ATP6V1E1: variants seen among roughly 807,000 people sequenced by gnomAD.
ATP6V1E1 encodes the protein ATPase H+ transporting V1 subunit E1.
A neutral mutation model predicts 35.2 loss-of-function variants in ATP6V1E1; 21 were observed. The ratio of observed to expected loss-of-function variants is 0.60; its 90% confidence interval spans 0.42 to 0.86. The LOEUF is 0.86. Among genes scored for constraint, ATP6V1E1 ranks in the 40% least tolerant of loss-of-function variants. The pLI, the probability that ATP6V1E1 is intolerant of heterozygous loss-of-function variation, is 0.00. For synonymous variants in ATP6V1E1, 83 were observed against 87.8 expected, an observed-to-expected ratio of 0.95 and a Z score of 0.30; for missense variants, 183 against 272.6, an observed-to-expected ratio of 0.67 and a Z score of 2.32.
intron 1 of ATP6V1E1, among the ~76,000 whole-genome samples, chr22:17,623,147 T>C (rs1401098718): frequency 6.6e-6 from 1 of 152,176 alleles, no homozygotes; most frequent in Non-Finnish European, 1.5e-5. Flanking sequence ...TTTCCAATCC[T>C]ACTTTTAAGG....
intron 1 of ATP6V1E1, among the ~76,000 whole-genome samples, chr22:17,620,433 C>A (rs938324328): frequency 2.0e-5 from 3 of 152,020 alleles, no homozygotes; most frequent in African/African-American, 7.2e-5. Context: ...AGACGTGAGC[C>A]ACCGCGCACG....
intron 1 of ATP6V1E1, among the ~76,000 whole-genome samples, chr22:17,626,325 A>AAAAAAAAAAAAAAAAAAAG (rs1555864859): frequency 4.9e-5 from 6 of 122,902 alleles, no homozygotes; most frequent in Non-Finnish European, 9.5e-5. Context: ...AAAAAAAAAA[A>AAAAAAAAAAAAAAAAAAAG]AAAGAAAGAA....
intron 2 of ATP6V1E1, among the ~76,000 whole-genome samples, chr22:17,615,657 T>C (rs1601389777): frequency 6.6e-6 from 1 of 150,808 alleles, no homozygotes; most frequent in East Asian, 2.0e-4. Context: ...CCCAGCACTT[T>C]GAAAGGCCAA....
intron 8 of ATP6V1E1, among the ~76,000 whole-genome samples, chr22:17,594,074 T>C (rs1601367261): frequency 3.3e-5 from 5 of 152,180 alleles, no homozygotes; most frequent in Middle Eastern, 3.4e-3. Context: ...TGGTGGCAGG[T>C]GCCTGTAATC....
intron 1 of ATP6V1E1, 64 bp from the exon 2 acceptor site, chr22:17,619,590 G>C: frequency 7.3e-7 from 1 of 1,374,542 alleles, no homozygotes; most frequent in East Asian, 2.5e-5. Context: ...CTGATTCATT[G>C]AACAAGTAAT....
chr22:17,621,947 C>T (rs566332875), intron 1 of ATP6V1E1, among the ~76,000 whole-genome samples: 2 of 152,262 alleles, frequency 1.3e-5, no homozygotes, highest in Admixed American at 1.3e-4. Context: ...TCACCGGCTA[C>T]AATTGGAGAA....
intron 1 of ATP6V1E1, among the ~76,000 whole-genome samples, chr22:17,624,366 C>T (rs2057893065): frequency 1.3e-5 from 2 of 152,060 alleles, no homozygotes; most frequent in South Asian, 4.1e-4. Context: ...CCAGCCTGGC[C>T]AACATGGTGA....
intron 1 of ATP6V1E1, 83 bp from the exon 2 acceptor site, chr22:17,619,609 G>T: frequency 1.6e-6 from 2 of 1,225,642 alleles, no homozygotes; most frequent in Non-Finnish European, 2.3e-6. Context: ...ATCATAGGTA[G>T]GTGCAGTGGC....
chr22:17,616,059 A>G (rs961761854), intron 2 of ATP6V1E1, among the ~76,000 whole-genome samples: 2 of 150,474 alleles, frequency 1.3e-5, no homozygotes, highest in Admixed American at 1.3e-4. Flanking sequence ...ACAAACAAAC[A>G]AACAAAAGCC....
At chr22:17,616,050 C>T (rs2057842660) in intron 2 of ATP6V1E1, among the ~76,000 whole-genome samples, 1 of 149,098 alleles carries the variant, frequency 6.7e-6, no homozygotes, top group Non-Finnish European at 1.5e-5. Context: ...AACAAACAAA[C>T]AAACAAACAA....
In ATP6V1E1 at chr22:17,596,371, C is replaced by T. The variant is rs550037723; in HGVS notation, c.531-1755G>A. 4.2e-4 allele frequency among the ~76,000 whole-genome samples: 64 copies of T among 152,214 alleles called. 1 individual carries two copies. The South Asian group carries it at 8.5e-3, about 20-fold the overall frequency. ...GTGGCGAGGGCCTGGATTCTAGCTC[C>T]GGCAGGACTCGACTGTGAGCAGAGG... On this transcript the variant is annotated intron_variant, in intron 7 of 8. Coordinates refer to ENST00000253413, the MANE Select transcript of ATP6V1E1 (RefSeq NM_001696.4).
intron 4 of ATP6V1E1, among the ~76,000 whole-genome samples, chr22:17,605,815 G>A (rs934732646): frequency 1.4e-5 from 2 of 146,580 alleles, no homozygotes; most frequent in Admixed American, 7.1e-5. Context: ...ACACCACCAC[G>A]CCTGGCTACA....
chr22:17,614,009 C>T (rs1016127443), intron 2 of ATP6V1E1, among the ~76,000 whole-genome samples: 3 of 151,420 alleles, frequency 2.0e-5, no homozygotes, highest in Non-Finnish European at 4.4e-5. Flanking sequence ...AAAATGTGGT[C>T]GAGTAACCTC....
intron 4 of ATP6V1E1, among the ~76,000 whole-genome samples, chr22:17,605,657 A>G (rs1349517219): frequency 6.7e-6 from 1 of 149,672 alleles, no homozygotes; most frequent in East Asian, 1.9e-4. Flanking sequence ...TAGGTGATCT[A>G]ATTTTTTTCT....
intron 2 of ATP6V1E1, among the ~76,000 whole-genome samples, chr22:17,613,921 C>T (rs376404799): frequency 3.3e-5 from 5 of 152,252 alleles, no homozygotes; most frequent in East Asian, 3.9e-4. Flanking sequence ...GAGTGGAGAT[C>T]GTGCCACTGC....
chr22:17,601,677 G>A (rs542930269), intron 4 of ATP6V1E1, among the ~76,000 whole-genome samples: 21 of 152,190 alleles, frequency 1.4e-4, no homozygotes, highest in Middle Eastern at 3.4e-3. Flanking sequence ...GTGCAATCTC[G>A]GCTCACTGCA....
intron 4 of ATP6V1E1, among the ~76,000 whole-genome samples, chr22:17,607,187 C>G (rs1411656584): frequency 1.3e-5 from 2 of 151,650 alleles, no homozygotes; most frequent in Non-Finnish European, 2.9e-5. Flanking sequence ...GACATGAAGT[C>G]TCACTCTGTC....
chr22:17,621,267 AC>A, intron 1 of ATP6V1E1, among the ~76,000 whole-genome samples: 1 of 151,642 alleles, frequency 6.6e-6, no homozygotes, highest in Non-Finnish European at 1.5e-5. Context: ...GTAACACTCT[AC>A]CCCCGCTTAA....
At chr22:17,597,485 A>G (rs2057738002) in intron 7 of ATP6V1E1, among the ~76,000 whole-genome samples, 2 of 151,950 alleles carry the variant, frequency 1.3e-5, no homozygotes, top group Admixed American at 1.3e-4. Flanking sequence ...TAAGGAACCT[A>G]ACTACCAGGC....
Sources: gnomAD v4.1 joint callset for allele counts (sites outside exome capture counted in the v4.1 genomes callset) on GRCh38, gnomAD v4.1.1 for gene constraint, MANE v1.5 for transcripts, NCBI Gene and HGNC (gene_info 2026-07-23, HGNC 2026-07-21) for gene names.